CRPPA: variants seen among roughly 807,000 people sequenced by gnomAD.
CRPPA encodes CDP-L-ribitol pyrophosphorylase A.
CRPPA carries 43 observed loss-of-function variants against 52.0 expected under a neutral mutation model. The observed-to-expected ratio is 0.83, with a 90% CI of 0.65 to 1.07. The LOEUF is 1.07. Ranked by LOEUF, CRPPA falls within the 50% of genes least tolerant of loss-of-function variation. The pLI is 0.00. For missense variants in CRPPA, 629 were observed against 551.7 expected (o/e 1.14, Z -1.40); for synonymous variants, 250 against 203.5 (o/e 1.23, Z -1.94).
rs141454722 is a variant in CRPPA, at chr7:16,249,833, A to T, written c.1119+8557T>A. On this transcript the variant is annotated intron_variant, in intron 8 of 9. Coordinates refer to ENST00000407010, the MANE Select transcript of CRPPA (RefSeq NM_001101426.4). ...CAGAATGCCTCTTCTCCTTCAAAGG[A>T]TCACAACTCCTCGCCAGCAAGGGAA... Among the ~76,000 whole-genome samples, 829 of 152,314 alleles carry T rather than the reference A, an allele frequency of 5.4e-3. 9 individuals are homozygous for T. Among genetic ancestry groups the T allele is most frequent in the African/African-American group, 0.019 (806 of 41,558 alleles).
At chr7:16,103,105 C>T (rs535067316) in intron 9 of CRPPA, among the ~76,000 whole-genome samples, 198 of 152,266 alleles carry the variant, frequency 1.3e-3, no homozygotes, top group African/African-American at 4.5e-3. Flanking sequence ...CACATGTACA[C>T]CATGGAATAC....
intron 9 of CRPPA, among the ~76,000 whole-genome samples, chr7:16,176,940 T>C (rs778582122): frequency 6.6e-6 from 1 of 152,172 alleles, no homozygotes; most frequent in Non-Finnish European, 1.5e-5. Flanking sequence ...AATCATTATA[T>C]GGTATATCCA....
intron 9 of CRPPA, among the ~76,000 whole-genome samples, chr7:16,111,416 C>G (rs192988589): frequency 1.3e-5 from 2 of 152,284 alleles, no homozygotes; most frequent in East Asian, 3.9e-4. Flanking sequence ...AATCCCACTT[C>G]TGGATATCTA....
intron 9 of CRPPA, among the ~76,000 whole-genome samples, chr7:16,199,774 G>A (rs1386296146): frequency 6.6e-6 from 1 of 151,046 alleles, no homozygotes; most frequent in South Asian, 2.1e-4. Context: ...CAGATTTTGT[G>A]ACTAACATGG....
At chr7:16,114,392 C>T (rs1782327357) in intron 9 of CRPPA, among the ~76,000 whole-genome samples, 1 of 150,918 alleles carries the variant, frequency 6.6e-6, no homozygotes, top group African/African-American at 2.4e-5. Context: ...TAAGAGAAAA[C>T]CAGCAAATCT....
chr7:16,220,951 G>C (rs1442940608), intron 8 of CRPPA, among the ~76,000 whole-genome samples: 1 of 151,970 alleles, frequency 6.6e-6, no homozygotes, highest in East Asian at 1.9e-4. Context: ...CTACTTTAAA[G>C]TTCATATGGA....
At chr7:16,190,315 A>C (rs919168054) in intron 9 of CRPPA, among the ~76,000 whole-genome samples, 2 of 152,214 alleles carry the variant, frequency 1.3e-5, no homozygotes, top group Admixed American at 6.5e-5. Context: ...AGTTAACTTA[A>C]AAACATTGCT....
Position 16,376,202 on chromosome 7 carries a change from TGAC to T in CRPPA, c.571_573del (p.Val191del). 1 of 1,613,000 alleles carries T rather than the reference TGAC, an allele frequency of 6.2e-7. No individual in the cohort carries two copies. The highest frequency in any genetic ancestry group is 1.3e-5 in the African/African-American group (1 of 74,986). ...TCTAAGCAACCATCAGCAGATGGACTGACGACAGTAGATACAAGAGGTCGAATG... is the reference window on the plus strand; with the variant it reads ...TCTAAGCAACCATCAGCAGATGGACTGACAGTAGATACAAGAGGTCGAATG... On this transcript the variant is annotated inframe_deletion, in exon 3 of 10. Coordinates refer to ENST00000407010, the MANE Select transcript of CRPPA (RefSeq NM_001101426.4).
chr7:16,314,346 C>A (rs1785098463), intron 3 of CRPPA, among the ~76,000 whole-genome samples: 1 of 152,012 alleles, frequency 6.6e-6, no homozygotes, highest in Non-Finnish European at 1.5e-5. Flanking sequence ...GTGAATAGGG[C>A]AAGTGTCTTA....
At chr7:16,178,588 T>A (rs964539200) in intron 9 of CRPPA, among the ~76,000 whole-genome samples, 1 of 152,116 alleles carries the variant, frequency 6.6e-6, no homozygotes, top group African/African-American at 2.4e-5. Flanking sequence ...TTTCACTGTA[T>A]CTCTCTTAGA....
rs1478924009 is a variant in CRPPA, at chr7:16,301,568, A to G, written c.790-102T>C. The G allele has an allele frequency of 5.2e-6, 4 of 768,820 alleles. No homozygotes were observed. In the East Asian group the frequency reaches 1.1e-4, roughly 20 times the overall value. The allele number at this position is 768,820 out of a possible 1,614,324, so 47.6% of individuals were successfully genotyped here. ...AAATTCTTGATTTTTCAGAAGCTAT[A>G]AACATGTAATACTGACATTTTCTCA... On this transcript the variant is annotated intron_variant, in intron 4 of 9. Coordinates refer to ENST00000407010, the MANE Select transcript of CRPPA (RefSeq NM_001101426.4).
At chr7:16,254,399 T>G (rs1319257107) in intron 8 of CRPPA, among the ~76,000 whole-genome samples, 1 of 152,110 alleles carries the variant, frequency 6.6e-6, no homozygotes, top group Non-Finnish European at 1.5e-5. Context: ...CATGGAATAC[T>G]ATGCAGCCAT....
intron 9 of CRPPA, among the ~76,000 whole-genome samples, chr7:16,110,457 T>C (rs1782238097): frequency 6.6e-6 from 1 of 152,046 alleles, no homozygotes; most frequent in Non-Finnish European, 1.5e-5. Flanking sequence ...AAACCTTGAA[T>C]AGCCAAGGCA....
intron 8 of CRPPA, among the ~76,000 whole-genome samples, chr7:16,257,372 G>T (rs550712145): frequency 6.6e-6 from 1 of 152,054 alleles, no homozygotes; most frequent in South Asian, 2.1e-4. Flanking sequence ...TTCCAACATT[G>T]GATATATTCC....
At chr7:16,236,588 C>T (rs1782955780) in intron 8 of CRPPA, among the ~76,000 whole-genome samples, 1 of 152,096 alleles carries the variant, frequency 6.6e-6, no homozygotes, top group Non-Finnish European at 1.5e-5. Flanking sequence ...ACAGTTCAGG[C>T]TTTCCAAAAC....
intron 5 of CRPPA, among the ~76,000 whole-genome samples, chr7:16,286,459 T>C (rs1274906233): frequency 6.6e-6 from 1 of 152,086 alleles, no homozygotes; most frequent in Non-Finnish European, 1.5e-5. Context: ...GGCAAATGTC[T>C]AAGCATTCTT....
chr7:16,299,889 T>C (rs1784755966), intron 5 of CRPPA, among the ~76,000 whole-genome samples: 2 of 152,226 alleles, frequency 1.3e-5, no homozygotes, highest in Non-Finnish European at 2.9e-5. Context: ...ATTACAATTA[T>C]ATTCCTCAGT....
chr7:16,420,838 C>T (rs562862272), intron 1 of CRPPA, among the ~76,000 whole-genome samples: 25 of 152,220 alleles, frequency 1.6e-4, no homozygotes, highest in African/African-American at 5.8e-4. Context: ...ACCTCATCTG[C>T]TTGGGGACGT....
intron 3 of CRPPA, among the ~76,000 whole-genome samples, chr7:16,326,535 G>A (rs892999420): frequency 1.3e-5 from 2 of 152,170 alleles, no homozygotes; most frequent in African/African-American, 4.8e-5. Flanking sequence ...ATCTTAATTT[G>A]TAGGCACTGG....
Sources: gnomAD v4.1 joint callset for allele counts (sites outside exome capture counted in the v4.1 genomes callset) on GRCh38, gnomAD v4.1.1 for gene constraint, MANE v1.5 for transcripts, NCBI Gene and HGNC (gene_info 2026-07-23, HGNC 2026-07-21) for gene names.